The following ADGB variants were observed in gnomAD, a reference collection of about 807,000 sequenced individuals.
ADGB encodes androglobin.
In ADGB, 172 loss-of-function variants were observed where a neutral mutation model predicts 210.5. The observed-to-expected ratio is 0.82, with a 90% CI of 0.72 to 0.93. ADGB has a LOEUF of 0.93. Among genes scored for constraint, ADGB ranks in the 40% least tolerant of loss-of-function variants. The probability of loss-of-function intolerance (pLI) is 0.00; values close to 1 mark genes in which losing one functional copy is unlikely to be tolerated. For missense variants in ADGB, 2,025 were observed against 1,964.8 expected, an observed-to-expected ratio of 1.03 and a Z score of -0.58; for synonymous variants, 658 against 662.7, an observed-to-expected ratio of 0.99 and a Z score of 0.11.
intron 1 of ADGB, among the ~76,000 whole-genome samples, chr6:146,625,018 C>A (rs1186779193): frequency 2.0e-5 from 3 of 151,852 alleles, no homozygotes; most frequent in African/African-American, 7.3e-5. Context: ...ATGCTATGTG[C>A]ACTTGAAAAG....
At chr6:146,782,361 T>C (rs1307630423) in intron 30 of ADGB, among the ~76,000 whole-genome samples, 169 bp downstream of exon 30, 1 of 152,214 alleles carries the variant, frequency 6.6e-6, no homozygotes, top group Admixed American at 6.5e-5. Context: ...TCAAGCTCCC[T>C]TTTCTAGTTC....
chr6:146,637,784 TA>T (rs1775446297), intron 2 of ADGB, among the ~76,000 whole-genome samples: 1 of 152,028 alleles, frequency 6.6e-6, no homozygotes, highest in Admixed American at 6.6e-5. Context: ...TAAAAATTAT[TA>T]AGCATGTGAA....
At chr6:146,679,978 GTAACTT>G (rs1252364033) in intron 9 of ADGB, among the ~76,000 whole-genome samples, 1 of 152,100 alleles carries the variant, frequency 6.6e-6, no homozygotes, top group African/African-American at 2.4e-5. Flanking sequence ...CAGTATCATA[GTAACTT>G]TAAAAAATTG....
At chr6:146,599,752 C>G (rs965189536) in intron 1 of ADGB, among the ~76,000 whole-genome samples, 1 of 152,102 alleles carries the variant, frequency 6.6e-6, no homozygotes, top group Non-Finnish European at 1.5e-5. Context: ...ATGTACTTCC[C>G]CATGATTATT....
chr6:146,807,693 GTTCT>G (rs1778233304), intron 35 of ADGB: 7 of 907,446 alleles, frequency 7.7e-6, no homozygotes, highest in East Asian at 2.9e-5. Context: ...AATAGAAATT[GTTCT>G]TTCTTAGAAA....
intron 35 of ADGB, chr6:146,802,677 A>C: frequency 1.0e-6 from 1 of 970,560 alleles, no homozygotes; most frequent in Non-Finnish European, 1.5e-6. Flanking sequence ...GCTTTTTAAA[A>C]GAAAAAATAG....
At chr6:146,696,913 G>A (rs1350278151) in intron 12 of ADGB, among the ~76,000 whole-genome samples, 1 of 152,030 alleles carries the variant, frequency 6.6e-6, no homozygotes, top group Non-Finnish European at 1.5e-5. Flanking sequence ...TACAGATTTG[G>A]CTACTGTTTT....
At chr6:146,804,344 A>G (rs944681387) in intron 35 of ADGB, among the ~76,000 whole-genome samples, 1 of 152,114 alleles carries the variant, frequency 6.6e-6, no homozygotes, top group African/African-American at 2.4e-5. Context: ...TGAGACTGTC[A>G]TTTCCAGTAA....
intron 1 of ADGB, among the ~76,000 whole-genome samples, chr6:146,615,865 A>G (rs1340755725): frequency 6.6e-6 from 1 of 152,254 alleles, no homozygotes; most frequent in East Asian, 1.9e-4. Flanking sequence ...ATAGTGCTGT[A>G]ATAAATATGG....
intron 35 of ADGB, chr6:146,807,857 A>G (rs1017875125): frequency 1.9e-5 from 4 of 210,338 alleles, no homozygotes; most frequent in Non-Finnish European, 3.7e-5. Context: ...TGCATTTTTA[A>G]TTAGAAGTGA....
chr6:146,691,477 A>AAAAATATAT (rs1342320983), intron 11 of ADGB, among the ~76,000 whole-genome samples, 187 bp downstream of exon 11: 1 of 18,554 alleles, frequency 5.4e-5, no homozygotes, highest in African/African-American at 4.3e-4. Context: ...TATATATATA[A>AAAAATATAT]ATATATATAT....
intron 27 of ADGB, among the ~76,000 whole-genome samples, chr6:146,761,049 G>A (rs567984311): frequency 6.6e-5 from 10 of 151,830 alleles, no homozygotes; most frequent in African/African-American, 2.4e-4. Context: ...GTCTAAGTTT[G>A]TCTTTTCACT....
At chr6:146,770,999 C>T (rs1777642898) in intron 29 of ADGB, among the ~76,000 whole-genome samples, 1 of 152,120 alleles carries the variant, frequency 6.6e-6, no homozygotes. Flanking sequence ...CTGAGAATGT[C>T]TGAAACAGCA....
At chr6:146,657,785 G>T (rs1775805830) in intron 5 of ADGB, among the ~76,000 whole-genome samples, 1 of 152,178 alleles carries the variant, frequency 6.6e-6, no homozygotes, top group Non-Finnish European at 1.5e-5. Context: ...TCCTGAACTT[G>T]AGATTTGTTT....
rs1011129206 is a variant in ADGB, at chr6:146,736,584, C to G, written c.2881C>G (p.Leu961Val). ...EMNLEQYAVSLLRLMFKSKCK... is the reference protein window; with the variant it reads ...EMNLEQYAVSVLRLMFKSKCK... ...GAATTTAGAACAGTATGCAGTTTCT[C>G]TCTTAAGGTAAAGCAGTCAAATGAT... Residue 961 changes from leucine (L) to valine (V), a missense_variant, in exon 23 of 36, where the codon CTC (leucine) becomes GTC (valine). Coordinates refer to ENST00000397944, the MANE Select transcript of ADGB (RefSeq NM_024694.4). The G allele has an allele frequency of 4.5e-6, 7 of 1,542,744 alleles. No individual in the cohort carries two copies. The African/African-American group carries it at 9.6e-5, about 21-fold the overall frequency.
chr6:146,661,622 A>G (rs1038399103), intron 5 of ADGB, among the ~76,000 whole-genome samples: 1 of 152,152 alleles, frequency 6.6e-6, no homozygotes, highest in Admixed American at 6.5e-5. Context: ...AGACAAGAGT[A>G]CCACATTTAG....
chr6:146,717,679 A>G (rs971855919), intron 16 of ADGB, 80 bp downstream of exon 16: 1 of 690,546 alleles, frequency 1.4e-6, no homozygotes, highest in African/African-American at 1.9e-5. Context: ...CAAATTTCTC[A>G]AAACATTTCT....
At chr6:146,607,325 CAT>C (rs1330915678) in intron 1 of ADGB, among the ~76,000 whole-genome samples, 1 of 152,184 alleles carries the variant, frequency 6.6e-6, no homozygotes, top group African/African-American at 2.4e-5. Context: ...TGTATAGACT[CAT>C]ATAGTCTACA....
intron 35 of ADGB, among the ~76,000 whole-genome samples, chr6:146,810,164 T>A (rs1020044264): frequency 1.3e-5 from 2 of 152,200 alleles, no homozygotes; most frequent in African/African-American, 4.8e-5. Flanking sequence ...AATAAACACC[T>A]ATCCAAAGAC....
Sources: gnomAD v4.1 joint callset for allele counts (sites outside exome capture counted in the v4.1 genomes callset) on GRCh38, gnomAD v4.1.1 for gene constraint, MANE v1.5 for transcripts, NCBI Gene and HGNC (gene_info 2026-07-23, HGNC 2026-07-21) for gene names.